The following MAST2 variants were observed in gnomAD, a reference collection of about 807,000 sequenced individuals.
The protein encoded by MAST2 is microtubule-associated serine/threonine-protein kinase 2.
A neutral mutation model predicts 147.4 loss-of-function variants in MAST2; 70 were observed. The ratio of observed to expected loss-of-function variants is 0.47; its 90% CI spans 0.39 to 0.58. The LOEUF (loss-of-function observed/expected upper bound fraction) is 0.58. MAST2 is among the 20% of genes least tolerant of loss of function. The pLI, the probability that MAST2 is intolerant of heterozygous loss-of-function variation, is 0.00. For synonymous variants in MAST2, 869 were observed against 896.8 expected, an observed-to-expected ratio of 0.97 and a Z score of 0.55; for missense variants, 2,080 against 2,302.3, an observed-to-expected ratio of 0.90 and a Z score of 1.98.
At chr1:45,930,864 G>C (rs975237780) in intron 4 of MAST2, among the ~76,000 whole-genome samples, 4 of 152,178 alleles carry the variant, frequency 2.6e-5, no homozygotes, top group African/African-American at 9.6e-5. Flanking sequence ...AGGAATATGT[G>C]ACAGAGACCA....
intron 4 of MAST2, among the ~76,000 whole-genome samples, chr1:45,941,480 G>C (rs1008398357): frequency 6.6e-6 from 1 of 152,102 alleles, no homozygotes; most frequent in African/African-American, 2.4e-5. Flanking sequence ...GGCTGGTCTT[G>C]AACTTCTGAC....
chr1:45,830,812 C>T (rs1644932990), intron 3 of MAST2, among the ~76,000 whole-genome samples: 1 of 151,692 alleles, frequency 6.6e-6, no homozygotes, highest in African/African-American at 2.4e-5. Context: ...CGCTTGAGCC[C>T]AGGAGTTCAA....
chr1:45,907,091 A>G (rs551814752), intron 4 of MAST2, among the ~76,000 whole-genome samples: 3 of 152,184 alleles, frequency 2.0e-5, no homozygotes, highest in Non-Finnish European at 1.5e-5. Flanking sequence ...GGTATACTCC[A>G]TGATGTTCAC....
At chr1:46,034,388 T>C (rs1187133919) in intron 28 of MAST2, 122 bp downstream of exon 28, 4 of 1,353,432 alleles carry the variant, frequency 3.0e-6, no homozygotes, top group Non-Finnish European at 4.0e-6. Context: ...TGAAAGATCC[T>C]GTAGTCTTGG....
intron 4 of MAST2, among the ~76,000 whole-genome samples, chr1:45,923,025 G>C (rs1270243515): frequency 6.6e-6 from 1 of 152,070 alleles, no homozygotes; most frequent in Non-Finnish European, 1.5e-5. Context: ...TCCTACCCTG[G>C]GCCCCTGAAG....
intron 4 of MAST2, among the ~76,000 whole-genome samples, chr1:45,882,651 T>TA (rs1646901496): frequency 6.6e-6 from 1 of 152,220 alleles, no homozygotes; most frequent in Non-Finnish European, 1.5e-5. Flanking sequence ...AGTTACAACT[T>TA]AAATATTCAT....
At chr1:45,871,963 A>C (rs1202097834) in intron 3 of MAST2, among the ~76,000 whole-genome samples, 1 of 152,178 alleles carries the variant, frequency 6.6e-6, no homozygotes, top group Admixed American at 6.5e-5. Flanking sequence ...CTCTGGGCTC[A>C]AGTGATCCTC....
Position 46,035,038 on chromosome 1 carries a change from G to A in MAST2, c.4369G>A (p.Val1457Met). Residue 1457 changes from valine to methionine, a missense_variant, in exon 29 of 29, where the codon GTG (valine) becomes ATG (methionine). Physicochemically the swap from Val to Met is conservative, Grantham distance 21. This residue lies in a region of MAST2 where 1,278 missense variants were observed against 1,304.2 expected (regional missense o/e 0.98). Coordinates refer to ENST00000361297, the MANE Select transcript of MAST2 (RefSeq NM_015112.3). This position sits in a 1 kb window ranked among gnomAD's most constrained non-coding sequence, Gnocchi z 5.5. ...TCTGGAGGTAGTTGGAGCCAGGAGT[G>A]TGCTGTCTGGCAAGGGGGCCCTGCC... ...SPLEVVGARS[V>M]LSGKGALPGK... is the part of the protein sequence containing the mutation. The A allele has an allele frequency of 6.2e-7, 1 of 1,613,990 alleles. No individual in the cohort carries two copies. The highest frequency in any genetic ancestry group is 1.3e-5 in the African/African-American group (1 of 75,062).
intron 4 of MAST2, among the ~76,000 whole-genome samples, chr1:45,922,884 G>C (rs568516039): frequency 1.8e-3 from 274 of 152,324 alleles, no homozygotes; most frequent in Non-Finnish European, 2.7e-3. Flanking sequence ...CAGGTGCTGG[G>C]CTGCTCCAAC....
chr1:45,849,672 G>A (rs928516826), intron 3 of MAST2, among the ~76,000 whole-genome samples: 1 of 151,954 alleles, frequency 6.6e-6, no homozygotes, highest in Non-Finnish European at 1.5e-5. Flanking sequence ...GACTACAGGC[G>A]CCCGCCACCA....
chr1:46,000,447 C>T (rs1368716575), intron 6 of MAST2, among the ~76,000 whole-genome samples: 1 of 152,200 alleles, frequency 6.6e-6, no homozygotes, highest in Non-Finnish European at 1.5e-5. Context: ...GTGTGTAGAC[C>T]ATTCCAGGCA....
At chr1:45,931,387 T>TG (rs1384176482) in intron 4 of MAST2, among the ~76,000 whole-genome samples, 3 of 147,918 alleles carry the variant, frequency 2.0e-5, no homozygotes, top group African/African-American at 5.0e-5. Flanking sequence ...GTTTTTTTTT[T>TG]TTTTTTTTTT....
intron 5 of MAST2, among the ~76,000 whole-genome samples, chr1:45,994,983 C>T (rs924638187): frequency 2.0e-5 from 3 of 151,950 alleles, no homozygotes; most frequent in Non-Finnish European, 4.4e-5. Flanking sequence ...GGACTACAGG[C>T]GCCCGCCACC....
At chr1:45,826,024 A>G (rs1463947519) in intron 2 of MAST2, among the ~76,000 whole-genome samples, 2 of 152,136 alleles carry the variant, frequency 1.3e-5, no homozygotes, top group East Asian at 2.0e-4. Flanking sequence ...CTGAGTGAGC[A>G]TCATTACACT....
At position 46,034,657 on chromosome 1, in the gene MAST2, T is replaced by G; in HGVS notation, c.3988T>G (p.Tyr1330Asp). The G allele has an allele frequency of 2.5e-6, 4 of 1,614,106 alleles. No homozygotes were observed. The highest frequency in any genetic ancestry group is 1.7e-5 in the Admixed American group (1 of 60,018). Residue 1330 changes from tyrosine (Y) to aspartate (D), a missense_variant, in exon 29 of 29, where the codon TAC becomes GAC. Tyr to Asp is a radical substitution (Grantham distance 160, BLOSUM62 -3). Around this residue, in one of 4 missense-constraint regions of MAST2, gnomAD observed 1,278 missense variants for 1,304.2 expected, o/e 0.98. Coordinates refer to ENST00000361297, the MANE Select transcript of MAST2 (RefSeq NM_015112.3). ...TCTGGCACCCAAGCTCCAACGCCAG[T>G]ACCGCTCTCCACGGCGCAAGTCAGC... ...HGLAPKLQRQ[Y>D]RSPRRKSAGS...
intron 3 of MAST2, among the ~76,000 whole-genome samples, chr1:45,864,014 G>C (rs867301498): frequency 6.6e-6 from 1 of 152,124 alleles, no homozygotes; most frequent in African/African-American, 2.4e-5. Flanking sequence ...AAGTTTAAAC[G>C]TTGCTTATGG....
At chr1:45,804,184 C>G (rs1410167706) in intron 1 of MAST2, 112 bp downstream of exon 1, 5 of 1,205,826 alleles carry the variant, frequency 4.1e-6, no homozygotes, top group Non-Finnish European at 5.2e-6. Flanking sequence ...CTGAGTAGTT[C>G]GCGGGGAGGA....
chr1:46,033,641 C>T (rs1204982040), intron 26 of MAST2, among the ~76,000 whole-genome samples, 161 bp from the exon 27 acceptor site: 2 of 152,154 alleles, frequency 1.3e-5, no homozygotes, highest in Non-Finnish European at 2.9e-5. Flanking sequence ...GCCATTTCCT[C>T]ATCTGTAAAA....
At chr1:45,862,677 C>T (rs1315303299) in intron 3 of MAST2, among the ~76,000 whole-genome samples, 1 of 152,078 alleles carries the variant, frequency 6.6e-6, no homozygotes, top group Admixed American at 6.5e-5. Flanking sequence ...GCCTTGTTGG[C>T]CAGGCTGGTC....
Sources: gnomAD v4.1 joint callset for allele counts (sites outside exome capture counted in the v4.1 genomes callset) on GRCh38, gnomAD v4.1.1 for gene constraint, gnomAD v4.1.1 regional missense constraint, Gnocchi (gnomAD v3.1) non-coding constraint, MANE v1.5 for transcripts, NCBI Gene and HGNC (gene_info 2026-07-23, HGNC 2026-07-21) for gene names.